ERCC6L2: variants seen among roughly 807,000 people sequenced by gnomAD.
ERCC6L2 encodes the protein ERCC excision repair 6 like 2.
ERCC6L2 carries 77 observed loss-of-function variants against 132.0 expected under a neutral mutation model. The ratio of observed to expected loss-of-function variants is 0.58; its 90% CI spans 0.49 to 0.71. ERCC6L2 has a LOEUF of 0.71. Ranked by LOEUF, ERCC6L2 falls within the 30% of genes least tolerant of loss-of-function variation. ERCC6L2 has a pLI of 0.00. For synonymous variants in ERCC6L2, 583 were observed against 632.4 expected, an observed-to-expected ratio of 0.92 and a Z score of 1.17; for missense variants, 1,542 against 1,837.6, an observed-to-expected ratio of 0.84 and a Z score of 2.94.
intron 12 of ERCC6L2, among the ~76,000 whole-genome samples, chr9:95,953,566 C>T (rs1346302963): frequency 1.4e-5 from 2 of 139,430 alleles, no homozygotes; most frequent in African/African-American, 5.4e-5. Context: ...CAGAGTGAGA[C>T]TCTGTCTCAA....
At chr9:95,903,854 T>C (rs578027296) in intron 3 of ERCC6L2, among the ~76,000 whole-genome samples, 1 of 151,938 alleles carries the variant, frequency 6.6e-6, no homozygotes, top group African/African-American at 2.4e-5. Flanking sequence ...AAACTCAAAG[T>C]ACTAAAAAAA....
chr9:95,900,063 G>A (rs576362418), intron 3 of ERCC6L2, among the ~76,000 whole-genome samples: 2 of 151,876 alleles, frequency 1.3e-5, no homozygotes, highest in Non-Finnish European at 2.9e-5. Context: ...CAGTCTTTTT[G>A]TATTCTAATA....
At chr9:95,951,240 C>G (rs1361938125) in intron 12 of ERCC6L2, among the ~76,000 whole-genome samples, 2 of 152,030 alleles carry the variant, frequency 1.3e-5, no homozygotes, top group Non-Finnish European at 2.9e-5. Context: ...GAAGAATTCA[C>G]AAGGGAAGTT....
intron 4 of ERCC6L2, among the ~76,000 whole-genome samples, chr9:95,915,022 A>G (rs1263215018): frequency 6.6e-6 from 1 of 152,148 alleles, no homozygotes; most frequent in Non-Finnish European, 1.5e-5. Flanking sequence ...ATTGTAGTCA[A>G]TATTTGTAAC....
At chr9:96,006,732 G>A (rs558305636) in intron 18 of ERCC6L2, among the ~76,000 whole-genome samples, 3 of 152,278 alleles carry the variant, frequency 2.0e-5, no homozygotes, top group African/African-American at 7.2e-5. Flanking sequence ...GAGAGGCATT[G>A]AAAGAGAAGG....
intron 17 of ERCC6L2, among the ~76,000 whole-genome samples, chr9:96,002,386 G>C (rs1473526130): frequency 6.7e-6 from 1 of 150,200 alleles, no homozygotes; most frequent in Non-Finnish European, 1.5e-5. Flanking sequence ...TGGTGGATAG[G>C]ATTGTGATGT....
At position 96,013,912 on chromosome 9, in the gene ERCC6L2, TA is replaced by T. The variant is rs1834118165; in HGVS notation, c.*712del. ...TTTATGTACCTATTGTGATTTAATG[TA>T]AATAAAGGTTTGTATAGTACTTTTG... On this transcript the variant is annotated 3_prime_UTR_variant, in exon 19 of 19. Transcript: ENST00000653738. 1 of 152,234 alleles carries T rather than the reference TA, an allele frequency of 6.6e-6. No homozygotes were observed. The highest frequency in any genetic ancestry group is 2.1e-4 in the South Asian group (1 of 4,834). 9.4% of individuals were successfully genotyped at this position (152,234 alleles called of 1,614,324 possible).
intron 19 of ERCC6L2, among the ~76,000 whole-genome samples, chr9:96,028,400 G>A (rs900958726): frequency 1.3e-5 from 2 of 152,152 alleles, no homozygotes; most frequent in African/African-American, 4.8e-5. Context: ...GAAAGGTCCT[G>A]AGAAGTGTAA....
At chr9:95,941,403 C>T in intron 11 of ERCC6L2, 51 bp from the exon 12 acceptor site, 1 of 1,321,846 alleles carries the variant, frequency 7.6e-7, no homozygotes, top group Non-Finnish European at 1.1e-6. Context: ...TATAGCACAA[C>T]AGTTAGTTTT....
intron 12 of ERCC6L2, among the ~76,000 whole-genome samples, chr9:95,949,956 G>A (rs1831252033): frequency 6.6e-6 from 1 of 151,162 alleles, no homozygotes; most frequent in Non-Finnish European, 1.5e-5. Flanking sequence ...GCAGTGAGCC[G>A]AGATGCCGAG....
At position 95,970,659 on chromosome 9, in the gene ERCC6L2, A is replaced by G; in HGVS notation, c.2181+3A>G. ...CTCCAGCACACAAACTGGAAATGGT[A>G]TGTAATATTTGAACCTGTAGACTAC... On this transcript the variant is annotated splice_donor_region_variant and intron_variant, in intron 15 of 18. Coordinates refer to ENST00000653738, the MANE Select transcript of ERCC6L2 (RefSeq NM_020207.7). 2 of 1,303,178 alleles carry G rather than the reference A, an allele frequency of 1.5e-6. No homozygotes were observed. The highest frequency in any genetic ancestry group is 2.0e-6 in the Non-Finnish European group (2 of 988,306). 80.7% of individuals were successfully genotyped at this position (1,303,178 alleles called of 1,614,324 possible).
chr9:95,933,350 CA>C (rs1490503300), intron 11 of ERCC6L2, among the ~76,000 whole-genome samples: 4 of 152,124 alleles, frequency 2.6e-5, no homozygotes, highest in African/African-American at 9.7e-5. Context: ...AGAGTTCAGT[CA>C]AGTCTCTATG....
At chr9:95,894,897 G>T (rs1001377198) in intron 2 of ERCC6L2, among the ~76,000 whole-genome samples, 1 of 152,090 alleles carries the variant, frequency 6.6e-6, no homozygotes, top group African/African-American at 2.4e-5. Flanking sequence ...CACCAGGCCC[G>T]GTATGTCAAC....
At chr9:95,950,406 A>G (rs1587962355) in intron 12 of ERCC6L2, among the ~76,000 whole-genome samples, 1 of 152,234 alleles carries the variant, frequency 6.6e-6, no homozygotes, top group Non-Finnish European at 1.5e-5. Flanking sequence ...ACACAAAGGA[A>G]GGCAGTAATG....
At chr9:96,022,340 G>A (rs1834305986), downstream of ERCC6L2, among the ~76,000 whole-genome samples, 1 of 152,244 alleles carries the variant, frequency 6.6e-6, no homozygotes, top group South Asian at 2.1e-4. Context: ...AATTGGGTAG[G>A]GAATAAAGGC....
chr9:96,010,659 C>G (rs1028393397), intron 18 of ERCC6L2, among the ~76,000 whole-genome samples: 3 of 152,154 alleles, frequency 2.0e-5, no homozygotes, highest in Non-Finnish European at 2.9e-5. Flanking sequence ...TTCTATCCAC[C>G]TTGCCTACCA....
intron 6 of ERCC6L2, chr9:95,918,336 G>T: frequency 2.6e-6 from 1 of 389,624 alleles, no homozygotes; most frequent in South Asian, 2.1e-5. Context: ...GGGACCAAAT[G>T]ACACGATGTT....
intron 19 of ERCC6L2, chr9:96,025,991 G>T (rs1005117160): frequency 4.6e-5 from 7 of 152,440 alleles, no homozygotes; most frequent in East Asian, 3.9e-4. Flanking sequence ...AGCAGTGAAG[G>T]TCTCTAAAGA....
At chr9:95,885,847 A>G (rs140406645) in intron 2 of ERCC6L2, among the ~76,000 whole-genome samples, 35 of 152,284 alleles carry the variant, frequency 2.3e-4, no homozygotes, top group Middle Eastern at 3.4e-3. Flanking sequence ...GAGGATGGCA[A>G]TCTGTGTTTT....
Sources: gnomAD v4.1 joint callset for allele counts (sites outside exome capture counted in the v4.1 genomes callset) on GRCh38, gnomAD v4.1.1 for gene constraint, MANE v1.5 for transcripts, NCBI Gene and HGNC (gene_info 2026-07-23, HGNC 2026-07-21) for gene names.